The following BACH2 variants were observed in gnomAD, a reference collection of about 807,000 sequenced individuals.
BACH2 encodes the protein transcription regulator protein BACH2.
BACH2 carries 5 observed loss-of-function variants against 61.8 expected under a neutral mutation model. The observed-to-expected ratio is 0.08, with a 90% CI of 0.04 to 0.17. The LOEUF (loss-of-function observed/expected upper bound fraction) is 0.17. BACH2 is among the 10% of genes least tolerant of loss of function. The probability of loss-of-function intolerance (pLI) is 1.00; values close to 1 mark genes in which losing one functional copy is unlikely to be tolerated. For missense variants in BACH2, 824 were observed against 1,091.1 expected, an observed-to-expected ratio of 0.76 and a Z score of 3.45; for synonymous variants, 446 against 440.1, an observed-to-expected ratio of 1.01 and a Z score of -0.17.
chr6:90,229,463 A>C (rs1770023782), intron 3 of BACH2, among the ~76,000 whole-genome samples: 1 of 151,926 alleles, frequency 6.6e-6, no homozygotes, highest in Admixed American at 6.6e-5. Flanking sequence ...TTGTCTCAAA[A>C]AAAAAAAGAA....
intron 7 of BACH2, among the ~76,000 whole-genome samples, chr6:89,941,857 A>G (rs1773452123): frequency 6.6e-6 from 1 of 152,246 alleles, no homozygotes; most frequent in Non-Finnish European, 1.5e-5. Context: ...GTCTATACCA[A>G]GAGCTACTGT....
Position 90,119,026 on chromosome 6 carries a change from C to T in BACH2, c.-161-29917G>A, listed in dbSNP as rs191330966. Among the ~76,000 whole-genome samples, 230 of 152,292 alleles carry T rather than the reference C, an allele frequency of 1.5e-3. 1 individual carries two copies. The highest frequency in any genetic ancestry group is 0.014 in the Admixed American group (213 of 15,288). On this transcript the variant is annotated intron_variant, in intron 4 of 8. Transcript: ENST00000257749. ...TTTGAGCCCAGTCTCAACTATCTATCAAATGTTCAGAATATTTTACCTAAA... is the reference window on the plus strand; with the variant it reads ...TTTGAGCCCAGTCTCAACTATCTATTAAATGTTCAGAATATTTTACCTAAA...
chr6:90,145,256 C>T (rs1784578673), intron 4 of BACH2, among the ~76,000 whole-genome samples: 2 of 152,114 alleles, frequency 1.3e-5, no homozygotes. Flanking sequence ...TCAAATTACT[C>T]ATAAGAGCAC....
At chr6:89,998,262 C>A (rs959437114) in intron 6 of BACH2, among the ~76,000 whole-genome samples, 1 of 152,140 alleles carries the variant, frequency 6.6e-6, no homozygotes, top group East Asian at 1.9e-4. Context: ...AATGTGCTCA[C>A]GTTGGAGGCC....
chr6:90,067,244 G>A (rs962467920), intron 5 of BACH2, among the ~76,000 whole-genome samples: 2 of 152,214 alleles, frequency 1.3e-5, no homozygotes, highest in African/African-American at 4.8e-5. Context: ...CTGTGGAAGG[G>A]AACAGAGATA....
At chr6:90,092,676 C>T (rs763055539) in intron 4 of BACH2, among the ~76,000 whole-genome samples, 18 of 151,956 alleles carry the variant, frequency 1.2e-4, no homozygotes, top group Non-Finnish European at 2.2e-4. Context: ...AGATATTAAT[C>T]GCCATTTCAT....
intron 3 of BACH2, among the ~76,000 whole-genome samples, chr6:90,218,892 C>T (rs1294783854): frequency 6.7e-6 from 1 of 150,220 alleles, no homozygotes; most frequent in Non-Finnish European, 1.5e-5. Flanking sequence ...GGGGACATGG[C>T]CTGGGCTGTG....
chr6:90,133,264 C>G (rs1784138432), intron 4 of BACH2, among the ~76,000 whole-genome samples: 1 of 151,976 alleles, frequency 6.6e-6, no homozygotes, highest in African/African-American at 2.4e-5. Flanking sequence ...AAGGAGAAAC[C>G]AGGAAGGAAA....
intron 6 of BACH2, among the ~76,000 whole-genome samples, chr6:89,993,643 A>G (rs1297958193): frequency 6.6e-6 from 1 of 152,122 alleles, no homozygotes; most frequent in Non-Finnish European, 1.5e-5. Flanking sequence ...GTCTTCTTCT[A>G]CATCTTAGGC....
At chr6:90,021,479 G>A (rs62408192) in intron 5 of BACH2, among the ~76,000 whole-genome samples, 4,575 of 152,198 alleles carry the variant, frequency 0.03, 100 homozygotes, top group Non-Finnish European at 0.048. Flanking sequence ...CATTTCACTT[G>A]AAATTCAAAC....
intron 4 of BACH2, among the ~76,000 whole-genome samples, chr6:90,097,355 T>C (rs1218082809): frequency 6.6e-6 from 1 of 152,208 alleles, no homozygotes; most frequent in Non-Finnish European, 1.5e-5. Context: ...ACTGTCTCAC[T>C]GTACTGTTGA....
chr6:90,114,202 G>T (rs1562453318), intron 4 of BACH2, among the ~76,000 whole-genome samples: 1 of 152,058 alleles, frequency 6.6e-6, no homozygotes, highest in Admixed American at 6.6e-5. Flanking sequence ...AAACCTGGCA[G>T]AGATACACTA....
chr6:90,274,236 G>A (rs1399197174), intron 1 of BACH2, among the ~76,000 whole-genome samples: 1 of 152,144 alleles, frequency 6.6e-6, no homozygotes, highest in African/African-American at 2.4e-5. Context: ...ATGCCCTGAT[G>A]AGAGAATATA....
intron 5 of BACH2, among the ~76,000 whole-genome samples, chr6:90,058,678 C>T (rs947289089): frequency 9.9e-5 from 15 of 152,080 alleles, no homozygotes; most frequent in Non-Finnish European, 4.4e-5. Context: ...CAATCCTAAG[C>T]CAAAAGAACA....
chr6:90,243,125 T>A (rs1223652914), intron 3 of BACH2, among the ~76,000 whole-genome samples: 1 of 148,174 alleles, frequency 6.7e-6, no homozygotes, highest in Non-Finnish European at 1.5e-5. Flanking sequence ...AACTCCCAAC[T>A]TCAGGTGCTC....
intron 1 of BACH2, among the ~76,000 whole-genome samples, chr6:90,275,047 C>T (rs936343984): frequency 1.3e-5 from 2 of 152,176 alleles, no homozygotes; most frequent in Non-Finnish European, 1.5e-5. Context: ...CCCCTTGCCC[C>T]GTGACCCCAC....
intron 4 of BACH2, among the ~76,000 whole-genome samples, chr6:90,137,527 C>G (rs1784312794): frequency 6.6e-6 from 1 of 152,182 alleles, no homozygotes; most frequent in Non-Finnish European, 1.5e-5. Flanking sequence ...CAATGAGAAC[C>G]AAACCAGGCT....
At chr6:90,038,045 A>G (rs1054317891) in intron 5 of BACH2, among the ~76,000 whole-genome samples, 2 of 152,200 alleles carry the variant, frequency 1.3e-5, no homozygotes, top group Non-Finnish European at 2.9e-5. Flanking sequence ...CTGATTTTGG[A>G]CTTCTAACCT....
At chr6:90,222,685 C>A (rs1191999555) in intron 3 of BACH2, among the ~76,000 whole-genome samples, 1 of 152,156 alleles carries the variant, frequency 6.6e-6, no homozygotes, top group Non-Finnish European at 1.5e-5. Context: ...TCAGCATGTT[C>A]AGCTCTCCTG....
Sources: allele counts gnomAD v4.1 joint callset (sites outside exome capture counted in the v4.1 genomes callset), GRCh38; gene constraint gnomAD v4.1.1; transcripts MANE v1.5; gene names NCBI Gene and HGNC (gene_info 2026-07-23, HGNC 2026-07-21).